The following LPIN2 variants were observed in gnomAD, a reference collection of about 807,000 sequenced individuals.
LPIN2 encodes phosphatidate phosphatase LPIN2.
A neutral mutation model predicts 111.4 loss-of-function variants in LPIN2; 55 were observed. The observed-to-expected ratio is 0.49, with a 90% CI of 0.40 to 0.62. The LOEUF is 0.62. LPIN2 is among the 20% of genes least tolerant of loss of function. LPIN2 has a pLI of 0.00. For synonymous variants in LPIN2, 425 were observed against 414.0 expected, an observed-to-expected ratio of 1.03 and a Z score of -0.32; for missense variants, 992 against 1,112.1, an observed-to-expected ratio of 0.89 and a Z score of 1.54.
chr18:2,926,912 C>A (rs2077140926), intron 12 of LPIN2, 107 bp from the exon 13 acceptor site: 1 of 852,072 alleles, frequency 1.2e-6, no homozygotes, highest in African/African-American at 1.7e-5. Flanking sequence ...TCTGAACCCA[C>A]AACTTAAAAA....
chr18:2,938,006 G>A lies in LPIN2; in HGVS notation c.854C>T (p.Pro285Leu). Reference protein sequence around the residue: ...VSKRERSDHHPRTATITPSEN... With the variant: ...VSKRERSDHHLRTATITPSEN... The stretch of plus-strand genomic sequence containing the variant: ...TGATGGTGTAATTGTAGCTGTCCTA[G>A]GATGATGGTCAGATCGTTCTCTTTT... The change falls in exon 7 of 20, where the codon CCT becomes CTT. Residue 285 changes from proline to leucine, a missense_variant. Pro to Leu is a moderately conservative substitution (Grantham distance 98). This residue lies in a region of LPIN2 where 709 missense variants were observed against 753.2 expected (regional missense o/e 0.94). Coordinates refer to ENST00000677752, the MANE Select transcript of LPIN2 (RefSeq NM_001375808.2). 2 of 1,614,032 alleles carry A rather than the reference G, an allele frequency of 1.2e-6. No individual in the cohort carries two copies. The highest frequency in any genetic ancestry group is 1.7e-6 in the Non-Finnish European group (2 of 1,179,982).
At chr18:2,934,641 T>C (rs2077260463) in intron 7 of LPIN2, among the ~76,000 whole-genome samples, 191 bp from the exon 8 acceptor site, 1 of 152,250 alleles carries the variant, frequency 6.6e-6, no homozygotes, top group Non-Finnish European at 1.5e-5. Flanking sequence ...AGAAGTTCAG[T>C]GCTCCATACA....
intron 1 of LPIN2, among the ~76,000 whole-genome samples, chr18:2,995,954 G>A (rs2078333901): frequency 6.6e-6 from 1 of 152,134 alleles, no homozygotes; most frequent in Admixed American, 6.5e-5. Context: ...TTTTTAAGCA[G>A]GGTACCAAGC....
intron 1 of LPIN2, among the ~76,000 whole-genome samples, chr18:2,971,342 T>C (rs1325324315): frequency 2.6e-5 from 4 of 152,018 alleles, no homozygotes; most frequent in African/African-American, 7.3e-5. Flanking sequence ...AAAAAGATGA[T>C]AGGGGAGGAT....
Position 2,929,143 on chromosome 18 carries a change from T to A in LPIN2, c.1472A>T (p.His491Leu). 1 of 1,602,974 alleles carries A rather than the reference T, an allele frequency of 6.2e-7. No homozygotes were observed. ...TGCAAATTCGTGATAAGTAATGATA[T>A]GCTCCATGAATTTTTCTGCAATGTA... ...GEISKEKFMEHIITYHEFAEN... is the reference protein window; with the variant it reads ...GEISKEKFMELIITYHEFAEN... The change falls in exon 10 of 20, where the codon CAT becomes CTT. Residue 491 changes from histidine to leucine, a missense_variant. This residue lies in a region of LPIN2 where 709 missense variants were observed against 753.2 expected (regional missense o/e 0.94). Coordinates refer to ENST00000677752, the MANE Select transcript of LPIN2 (RefSeq NM_001375808.2).
rs2144204746 is a variant in LPIN2 at position 2,939,596 on chromosome 18, G to T, written c.706C>A (p.Pro236Thr). The T allele has an allele frequency of 6.2e-7, 1 of 1,613,396 alleles. No individual in the cohort carries two copies. Among genetic ancestry groups the T allele is most frequent in the East Asian group, 2.2e-5 (1 of 44,864 alleles). The part of the protein sequence containing the change: ...GDWSPLETTY[P>T]QTACPKSDSE... ...TCACTCTTAGGACACGCTGTCTGGG[G>T]ATAGGTGCTGCAAAGAGAACAAAGA... The change falls in exon 6 of 20, where the codon CCC becomes ACC. Residue 236 changes from proline to threonine, a missense_variant. Around this residue, in one of 4 missense-constraint regions of LPIN2, gnomAD observed 709 missense variants for 753.2 expected, o/e 0.94. Transcript: ENST00000677752.
rs1315838363 is a variant in LPIN2, at chr18:2,925,628, TAGA to T, written c.1794-263_1794-261del. On this transcript the variant is annotated intron_variant, in intron 13 of 19. Coordinates refer to ENST00000677752, the MANE Select transcript of LPIN2 (RefSeq NM_001375808.2). The surrounding 1 kb of genome is among the most constrained non-coding windows in gnomAD (Gnocchi z 4.1). ...ATTTTCTGCTATGCCCAGTGAATGC[TAGA>T]AGGTCTACTGACTCTTGTTGAAGAG... Among the ~76,000 whole-genome samples the T allele has an allele frequency of 6.6e-6, 1 of 152,194 alleles. No individual in the cohort carries two copies. The highest frequency in any genetic ancestry group is 1.9e-4 in the East Asian group (1 of 5,198).
At position 2,921,605 on chromosome 18, in the gene LPIN2, ACACT is replaced by A; in HGVS notation, c.2366_2369del (p.Glu789ValfsTer2). On this transcript the variant is annotated frameshift_variant, in exon 18 of 20. Coordinates refer to ENST00000677752, the MANE Select transcript of LPIN2 (RefSeq NM_001375808.2). LOFTEE classifies it high-confidence loss of function. ...CAAACAGATTCTTGATATCATTTAG[ACACT>A]CAATTTTGAACTTCTCTGGTTTCTT... 1 of 1,614,104 alleles carries A rather than the reference ACACT, an allele frequency of 6.2e-7. No individual in the cohort carries two copies. Among genetic ancestry groups the A allele is most frequent in the Non-Finnish European group, 8.5e-7 (1 of 1,179,944 alleles).
intron 2 of LPIN2, 64 bp from the exon 3 acceptor site, chr18:2,954,663 A>G: frequency 1.8e-6 from 2 of 1,116,756 alleles, no homozygotes; most frequent in Non-Finnish European, 2.7e-6. Context: ...AAACTAAACC[A>G]GAACTCTGAG....
intron 18 of LPIN2, chr18:2,921,088 C>G: frequency 1.6e-6 from 1 of 622,150 alleles, no homozygotes. Flanking sequence ...TGGGCAGCCA[C>G]CAAGGGGAAG....
chr18:2,985,780 T>TA (rs1466176601), intron 1 of LPIN2, among the ~76,000 whole-genome samples: 1 of 152,220 alleles, frequency 6.6e-6, no homozygotes, highest in African/African-American at 2.4e-5. Context: ...ACAAGCATGT[T>TA]ATTTTACCAT....
At chr18:2,984,549 G>C (rs903796064) in intron 1 of LPIN2, among the ~76,000 whole-genome samples, 1 of 151,900 alleles carries the variant, frequency 6.6e-6, no homozygotes, top group Non-Finnish European at 1.5e-5. Flanking sequence ...GAGGCTAGTA[G>C]GAGAAAGAGA....
At chr18:2,994,767 T>A (rs933159690) in intron 1 of LPIN2, among the ~76,000 whole-genome samples, 1 of 152,082 alleles carries the variant, frequency 6.6e-6, no homozygotes, top group African/African-American at 2.4e-5. Flanking sequence ...GCCAAAAAAA[T>A]GTCTCCGGTT....
chr18:2,921,695 TC>T, intron 17 of LPIN2, 48 bp from the exon 18 acceptor site: 1 of 1,364,488 alleles, frequency 7.3e-7, no homozygotes, highest in Non-Finnish European at 1.0e-6. Context: ...ATGGTCGTTT[TC>T]CCCAGTGAGT....
At position 2,985,644 on chromosome 18, in the gene LPIN2, A is replaced by G. The variant is rs183705443; in HGVS notation, c.-9-24795T>C. Among the ~76,000 whole-genome samples, 9 of 152,304 alleles carry G rather than the reference A, an allele frequency of 5.9e-5. No individual in the cohort carries two copies. In the East Asian group the frequency reaches 7.7e-4, roughly 13 times the overall value. ...TTTTGTTTTTTCTACTACTAATCCC[A>G]TAAGTATGTAAGACTAGGTATACAG... On this transcript the variant is annotated intron_variant, in intron 1 of 19. Coordinates refer to ENST00000677752, the MANE Select transcript of LPIN2 (RefSeq NM_001375808.2).
chr18:2,959,613 A>G (rs549911214), intron 2 of LPIN2, among the ~76,000 whole-genome samples: 1 of 152,312 alleles, frequency 6.6e-6, no homozygotes, highest in Non-Finnish European at 1.5e-5. Flanking sequence ...TTCTAATTTG[A>G]TTGACATCAG....
At chr18:2,924,936 TAA>T (rs1486705234) in intron 14 of LPIN2, among the ~76,000 whole-genome samples, 1 of 152,238 alleles carries the variant, frequency 6.6e-6, no homozygotes, top group African/African-American at 2.4e-5. Context: ...CTGTGGCTCC[TAA>T]GAGACAGTAC....
intron 4 of LPIN2, chr18:2,946,893 C>T (rs1190040626): frequency 9.9e-6 from 3 of 303,742 alleles, no homozygotes; most frequent in East Asian, 9.4e-5. Flanking sequence ...GAGCATTTCC[C>T]GTAAGACATA....
At chr18:2,983,565 G>C (rs1043057595) in intron 1 of LPIN2, among the ~76,000 whole-genome samples, 9 of 151,996 alleles carry the variant, frequency 5.9e-5, no homozygotes, top group African/African-American at 4.8e-5. Flanking sequence ...CCATTGTCTA[G>C]GATTGTGCTG....
Sources: allele counts gnomAD v4.1 joint callset (sites outside exome capture counted in the v4.1 genomes callset), GRCh38; gene constraint gnomAD v4.1.1; regional missense constraint gnomAD v4.1.1; non-coding constraint Gnocchi (gnomAD v3.1); transcripts MANE v1.5; gene names NCBI Gene and HGNC (gene_info 2026-07-23, HGNC 2026-07-21).